The following PTPRN2 variants were observed in gnomAD, a reference collection of about 807,000 sequenced individuals.
PTPRN2 encodes the protein protein tyrosine phosphatase receptor type N2.
Under a neutral mutation model 118.8 loss-of-function variants are expected in PTPRN2, and 74 were observed. The observed-to-expected ratio is 0.62, with a 90% CI of 0.52 to 0.76. The LOEUF (loss-of-function observed/expected upper bound fraction) is 0.76. Ranked by LOEUF, PTPRN2 falls within the 30% of genes least tolerant of loss-of-function variation. The pLI is 0.00. For missense variants in PTPRN2, 1,481 were observed against 1,394.4 expected, an observed-to-expected ratio of 1.06 and a Z score of -0.99; for synonymous variants, 641 against 608.0, an observed-to-expected ratio of 1.05 and a Z score of -0.80.
chr7:157,848,934 C>T (rs968696781), intron 12 of PTPRN2, among the ~76,000 whole-genome samples: 1 of 152,258 alleles, frequency 6.6e-6, no homozygotes, highest in African/African-American at 2.4e-5. Flanking sequence ...GGGAGGATCA[C>T]AGGGGCTGCC....
intron 6 of PTPRN2, among the ~76,000 whole-genome samples, chr7:158,140,744 C>A (rs116109546): frequency 0.035 from 5,267 of 152,294 alleles, 302 homozygotes; most frequent in African/African-American, 0.12. Flanking sequence ...TGGTTCCAGG[C>A]CCACATGCGT....
At chr7:157,666,169 A>C (rs973971040) in intron 13 of PTPRN2, among the ~76,000 whole-genome samples, 1 of 151,830 alleles carries the variant, frequency 6.6e-6, no homozygotes, top group African/African-American at 2.4e-5. Flanking sequence ...CCAGGTACAA[A>C]GGGGAAGTCA....
intron 11 of PTPRN2, among the ~76,000 whole-genome samples, chr7:157,970,776 C>A (rs905283439): frequency 6.6e-6 from 1 of 152,104 alleles, no homozygotes; most frequent in African/African-American, 2.4e-5. Flanking sequence ...CTGTGCCCAG[C>A]ATGCCCTCTC....
intron 1 of PTPRN2, among the ~76,000 whole-genome samples, chr7:158,560,264 G>T (rs1191310982): frequency 6.6e-6 from 1 of 152,252 alleles, no homozygotes; most frequent in Non-Finnish European, 1.5e-5. Flanking sequence ...ATTGTGAATA[G>T]TGCTGCTATG....
At position 157,720,884 on chromosome 7, in the gene PTPRN2, C is replaced by T. The variant is rs79146529; in HGVS notation, c.1789-37947G>A. Among the ~76,000 whole-genome samples, 803 of 152,272 alleles carry T rather than the reference C, an allele frequency of 5.3e-3. 17 individuals are homozygous for T. The highest frequency in any genetic ancestry group is 0.048 in the East Asian group (247 of 5,178). ...GACTGGCTCTAGCTCTCCTAAAACA[C>T]GGGACGCAGGAGTGTTTCTTAAGTG... On this transcript the variant is annotated intron_variant, in intron 12 of 22. Transcript: ENST00000389418.
At chr7:158,145,457 C>T (rs1819849514) in intron 6 of PTPRN2, among the ~76,000 whole-genome samples, 1 of 152,216 alleles carries the variant, frequency 6.6e-6, no homozygotes, top group Non-Finnish European at 1.5e-5. Flanking sequence ...CTTGTATCGA[C>T]AGAGAGCAGC....
At chr7:157,823,533 C>A (rs1036359525) in intron 12 of PTPRN2, among the ~76,000 whole-genome samples, 3 of 152,162 alleles carry the variant, frequency 2.0e-5, no homozygotes, top group Non-Finnish European at 2.9e-5. Context: ...GTGGAGATAT[C>A]CAGAATGGAG....
rs545476956 is a variant in PTPRN2, at chr7:157,655,670, C to T, written c.2196+687G>A. ...GTGCGGGAAACAGCACAGCCAGGCA[C>T]GGTCACCCACCAGGACGACGCCTAC... is the stretch of plus-strand genomic sequence containing the variant. On this transcript the variant is annotated intron_variant, in intron 14 of 22. Transcript: ENST00000389418. 8.0e-4 allele frequency among the ~76,000 whole-genome samples: 122 copies of T among 152,296 alleles called. 1 individual carries two copies. Among genetic ancestry groups the T allele is most frequent in the South Asian group, 6.4e-3 (31 of 4,828 alleles).
intron 3 of PTPRN2, among the ~76,000 whole-genome samples, chr7:158,307,559 C>T (rs903146707): frequency 1.3e-5 from 2 of 151,996 alleles, no homozygotes; most frequent in African/African-American, 4.8e-5. Context: ...AGATGGAAAA[C>T]ATGAATCTAC....
At chr7:158,401,246 G>C (rs1285352466) in intron 2 of PTPRN2, among the ~76,000 whole-genome samples, 1 of 152,246 alleles carries the variant, frequency 6.6e-6, no homozygotes, top group East Asian at 1.9e-4. Context: ...GGAAGGCTGT[G>C]TGTATGGAGG....
rs1799360764 is a variant in PTPRN2 at position 157,723,493 on chromosome 7, T to C, written c.1789-40556A>G. Among the ~76,000 whole-genome samples the C allele has an allele frequency of 2.6e-5, 4 of 152,204 alleles. No homozygotes were observed. In the South Asian group the frequency reaches 8.3e-4, roughly 31 times the overall value. ...GTGCCCCTCTCCCCACACCAGCATG[T>C]CACTGCGCTCGCCGGCTGTGTTCCC... is the stretch of plus-strand genomic sequence containing the variant. On this transcript the variant is annotated intron_variant, in intron 12 of 22. Coordinates refer to ENST00000389418, the MANE Select transcript of PTPRN2 (RefSeq NM_002847.5).
chr7:158,188,934 AG>A (rs1825531905), intron 5 of PTPRN2, among the ~76,000 whole-genome samples: 1 of 152,172 alleles, frequency 6.6e-6, no homozygotes. Flanking sequence ...TGAGCTGCTG[AG>A]TCCAGCAGAA....
At chr7:157,951,901 C>T (rs1053218162) in intron 11 of PTPRN2, among the ~76,000 whole-genome samples, 8 of 152,142 alleles carry the variant, frequency 5.3e-5, no homozygotes, top group African/African-American at 1.7e-4. Context: ...TCATTGGCCC[C>T]GCCTGTCTGG....
At chr7:157,573,418 TTC>T (rs1799857085) in intron 19 of PTPRN2, among the ~76,000 whole-genome samples, 1 of 152,258 alleles carries the variant, frequency 6.6e-6, no homozygotes, top group Non-Finnish European at 1.5e-5. Context: ...CCTGCTGTGT[TTC>T]ACACCTCGTG....
rs558195047 is a variant in PTPRN2, at chr7:157,764,912, C to T, written c.1789-81975G>A. Among the ~76,000 whole-genome samples the T allele has an allele frequency of 2.5e-4, 38 of 149,848 alleles. 1 individual carries two copies. Among genetic ancestry groups the T allele is most frequent in the African/African-American group, 8.6e-4 (35 of 40,724 alleles). On this transcript the variant is annotated intron_variant, in intron 12 of 22. Coordinates refer to ENST00000389418, the MANE Select transcript of PTPRN2 (RefSeq NM_002847.5). This position sits in a 1 kb window ranked among gnomAD's most constrained non-coding sequence, Gnocchi z 4.5. Reference sequence around the variant, plus strand: ...CCACCCATCCATCTACCCATCCATCCATCCATTGATCCATCCATATCCATC... The same window carrying T: ...CCACCCATCCATCTACCCATCCATCTATCCATTGATCCATCCATATCCATC...
chr7:158,464,728 G>A (rs927785573), intron 2 of PTPRN2, among the ~76,000 whole-genome samples: 17 of 143,098 alleles, frequency 1.2e-4, no homozygotes, highest in African/African-American at 2.9e-4. Context: ...CCTTACCATC[G>A]CCATCATTGC....
intron 12 of PTPRN2, among the ~76,000 whole-genome samples, chr7:157,693,123 C>A (rs1382759226): frequency 2.0e-5 from 3 of 146,734 alleles, no homozygotes; most frequent in Non-Finnish European, 4.5e-5. Context: ...GGAGCCGGGG[C>A]GGGAAGAGGG....
Position 158,084,974 on chromosome 7 carries a change from G to A in PTPRN2, c.1644-3597C>T, listed in dbSNP as rs1391116926. On this transcript the variant is annotated intron_variant, in intron 10 of 22. Transcript: ENST00000389418. ...ACCCACGACGCCCATCCACACCCACGACGCCCATCCACACGGATGCCCATA... is the reference window on the plus strand; with the variant it reads ...ACCCACGACGCCCATCCACACCCACAACGCCCATCCACACGGATGCCCATA... Among the ~76,000 whole-genome samples the A allele has an allele frequency of 3.9e-5, 4 of 101,536 alleles. No individual in the cohort carries two copies. The South Asian group carries it at 1.1e-3, about 27-fold the overall frequency. 66.6% of individuals were successfully genotyped at this position (101,536 alleles called of 152,430 possible).
chr7:158,066,585 TAG>T lies in PTPRN2; in HGVS notation c.1723+14711_1723+14712del, dbSNP rs371646114. 1.3e-4 allele frequency among the ~76,000 whole-genome samples: 20 copies of T among 152,212 alleles called. No homozygotes were observed. In the East Asian group the frequency reaches 2.1e-3, roughly 16 times the overall value. ...GGAGAAATTCCAAAACCAGGCACTG[TAG>T]AGAGACAGAAAGTAGTTTTCCCTAC... is the stretch of plus-strand genomic sequence containing the variant. On this transcript the variant is annotated intron_variant, in intron 11 of 22. Transcript: ENST00000389418.
Sources: allele counts gnomAD v4.1 joint callset (sites outside exome capture counted in the v4.1 genomes callset), GRCh38; gene constraint gnomAD v4.1.1; non-coding constraint Gnocchi (gnomAD v3.1); transcripts MANE v1.5; gene names NCBI Gene and HGNC (gene_info 2026-07-23, HGNC 2026-07-21).